Variants in RANBP17 observed in about 807,000 individuals in gnomAD.
RANBP17 encodes the protein ran-binding protein 17.
In RANBP17, 158 loss-of-function variants were observed where a neutral mutation model predicts 141.2. The ratio of observed to expected loss-of-function variants is 1.12; its 90% CI spans 0.98 to 1.28. The LOEUF (loss-of-function observed/expected upper bound fraction) is 1.28, where lower values mean the gene tolerates loss of function less well. Ranked by LOEUF, RANBP17 falls within the 50% of genes most tolerant of loss-of-function variation. The pLI is 0.00. For synonymous variants in RANBP17, 430 were observed against 450.0 expected, an observed-to-expected ratio of 0.96 and a Z score of 0.56; for missense variants, 1,438 against 1,290.7, an observed-to-expected ratio of 1.11 and a Z score of -1.75.
chr5:171,077,898 A>G (rs1785031252), intron 14 of RANBP17, among the ~76,000 whole-genome samples: 2 of 152,178 alleles, frequency 1.3e-5, no homozygotes, highest in Admixed American at 1.3e-4. Flanking sequence ...GCAAAATCCT[A>G]ACTCTATTCA....
intron 5 of RANBP17, chr5:170,897,386 G>A (rs902265667): frequency 5.4e-5 from 24 of 447,446 alleles, no homozygotes; most frequent in African/African-American, 1.7e-4. Flanking sequence ...ATTCCATTGC[G>A]CGTATGTGTA....
At chr5:171,180,735 A>T (rs1240829255) in intron 16 of RANBP17, among the ~76,000 whole-genome samples, 1 of 152,106 alleles carries the variant, frequency 6.6e-6, no homozygotes, top group Admixed American at 6.5e-5. Flanking sequence ...AAATATAAAA[A>T]TTCTTAATCA....
intron 14 of RANBP17, among the ~76,000 whole-genome samples, chr5:171,147,198 T>G (rs997240806): frequency 6.6e-6 from 1 of 152,068 alleles, no homozygotes; most frequent in African/African-American, 2.4e-5. Flanking sequence ...GTCAGTAGTA[T>G]TGAAGTTGAG....
intron 16 of RANBP17, among the ~76,000 whole-genome samples, chr5:171,176,293 TC>T (rs142857409): frequency 0.062 from 9,461 of 152,200 alleles, 387 homozygotes; most frequent in East Asian, 0.12. Flanking sequence ...CCCCTACCTT[TC>T]CCAGCTCCAT....
chr5:170,967,872 T>C (rs1356582490), intron 13 of RANBP17, among the ~76,000 whole-genome samples: 3 of 151,738 alleles, frequency 2.0e-5, no homozygotes, highest in African/African-American at 7.2e-5. Context: ...ACTACATACT[T>C]AATATCCTTC....
chr5:171,100,090 T>G (rs1216464556), intron 14 of RANBP17, among the ~76,000 whole-genome samples: 1 of 152,120 alleles, frequency 6.6e-6, no homozygotes, highest in Non-Finnish European at 1.5e-5. Flanking sequence ...CTCTGCCAGG[T>G]TTTGGTATCA....
chr5:171,147,828 G>A (rs1031009911), intron 14 of RANBP17, among the ~76,000 whole-genome samples: 11 of 152,186 alleles, frequency 7.2e-5, no homozygotes, highest in South Asian at 2.1e-4. Flanking sequence ...GCCTCTGCCC[G>A]GCCGCCCTTA....
intron 14 of RANBP17, among the ~76,000 whole-genome samples, chr5:170,975,519 C>G (rs1265905130): frequency 6.6e-6 from 1 of 152,128 alleles, no homozygotes; most frequent in East Asian, 1.9e-4. Flanking sequence ...GAGTGAGACT[C>G]CTGTCTCAAA....
At position 170,919,570 on chromosome 5, in the gene RANBP17, G is replaced by T; in HGVS notation, c.1231G>T (p.Ala411Ser). The change falls in exon 11 of 28, where the codon GCC becomes TCC. Residue 411 changes from alanine (A) to serine (S), a missense_variant. Physicochemically the swap from Ala to Ser is moderately conservative, Grantham distance 99 (BLOSUM62 1). Coordinates refer to ENST00000523189, the MANE Select transcript of RANBP17 (RefSeq NM_022897.5). ...CACTTATGCACCAGAAATCACGAAGGCCTTTATCACTTCTCGGTTGGACTC... is the reference window on the plus strand; with the variant it reads ...CACTTATGCACCAGAAATCACGAAGTCCTTTATCACTTCTCGGTTGGACTC... The part of the protein sequence containing the change: ...LDTYAPEITK[A>S]FITSRLDSVA... 6.2e-7 allele frequency: 1 copy of T among 1,609,962 alleles called. No individual in the cohort carries two copies. Among genetic ancestry groups the T allele is most frequent in the African/African-American group, 1.3e-5 (1 of 74,734 alleles).
intron 22 of RANBP17, among the ~76,000 whole-genome samples, chr5:171,229,103 A>C (rs954652618): frequency 6.6e-6 from 1 of 152,240 alleles, no homozygotes; most frequent in African/African-American, 2.4e-5. Flanking sequence ...ATAACTAGAG[A>C]GTTAATAAAA....
At chr5:170,926,091 T>C (rs1772893292) in intron 12 of RANBP17, among the ~76,000 whole-genome samples, 1 of 152,208 alleles carries the variant, frequency 6.6e-6, no homozygotes, top group Admixed American at 6.5e-5. Context: ...CTACCAATAG[T>C]GTTCAGGTGT....
chr5:171,111,516 CTG>C (rs1401324096), intron 14 of RANBP17, among the ~76,000 whole-genome samples: 1 of 152,150 alleles, frequency 6.6e-6, no homozygotes, highest in Non-Finnish European at 1.5e-5. Flanking sequence ...CTAGACAGAG[CTG>C]TTAGTGCAGT....
chr5:170,911,463 T>A (rs1386310392), intron 7 of RANBP17: 1 of 676,176 alleles, frequency 1.5e-6, no homozygotes, highest in African/African-American at 1.8e-5. Flanking sequence ...CCACTCTGTT[T>A]ATGATCATTT....
chr5:171,201,614 CA>C (rs1442506364), intron 19 of RANBP17, among the ~76,000 whole-genome samples: 1 of 152,208 alleles, frequency 6.6e-6, no homozygotes, highest in African/African-American at 2.4e-5. Context: ...TGCAGGTAGA[CA>C]AGATTCTGCA....
intron 12 of RANBP17, among the ~76,000 whole-genome samples, chr5:170,947,097 A>G (rs1260239580): frequency 6.6e-6 from 1 of 152,212 alleles, no homozygotes; most frequent in African/African-American, 2.4e-5. Context: ...AATGAGGATC[A>G]ACTATATCAT....
intron 12 of RANBP17, among the ~76,000 whole-genome samples, chr5:170,950,469 T>C (rs1775123759): frequency 6.6e-6 from 1 of 151,980 alleles, no homozygotes; most frequent in Non-Finnish European, 1.5e-5. Context: ...AAATGGCCAA[T>C]AGGTATATGA....
At chr5:170,929,628 G>T (rs1169913638) in intron 12 of RANBP17, among the ~76,000 whole-genome samples, 1 of 152,010 alleles carries the variant, frequency 6.6e-6, no homozygotes, top group African/African-American at 2.4e-5. Flanking sequence ...CAACACTTTT[G>T]TTATTTTATA....
chr5:170,935,587 G>A (rs1260976452), intron 12 of RANBP17, among the ~76,000 whole-genome samples: 1 of 152,172 alleles, frequency 6.6e-6, no homozygotes. Flanking sequence ...TCCAGACCCT[G>A]TTTGCCTGGG....
chr5:170,961,702 T>A (rs1477663176), intron 13 of RANBP17, among the ~76,000 whole-genome samples: 1 of 152,146 alleles, frequency 6.6e-6, no homozygotes, highest in East Asian at 1.9e-4. Flanking sequence ...AAATTAAAAA[T>A]CTGAAACACT....
Sources: gnomAD v4.1 joint callset for allele counts (sites outside exome capture counted in the v4.1 genomes callset) on GRCh38, gnomAD v4.1.1 for gene constraint, MANE v1.5 for transcripts, NCBI Gene and HGNC (gene_info 2026-07-23, HGNC 2026-07-21) for gene names.